RANBP2: variants seen among roughly 807,000 people sequenced by gnomAD.
RANBP2 encodes the protein E3 SUMO-protein ligase RanBP2.
RANBP2 carries 57 observed loss-of-function variants against 303.6 expected under a neutral mutation model. That is an observed-to-expected ratio of 0.19 (90% CI 0.15 to 0.23). The LOEUF is 0.23. Ranked by LOEUF, RANBP2 falls within the 10% of genes least tolerant of loss-of-function variation. RANBP2 has a pLI of 1.00. For synonymous variants in RANBP2, 1,167 were observed against 1,301.5 expected, an observed-to-expected ratio of 0.90 and a Z score of 2.23; for missense variants, 3,138 against 3,780.8, an observed-to-expected ratio of 0.83 and a Z score of 4.46.
At chr2:109,041,805 T>C in the RANBP2 span, among the ~76,000 whole-genome samples, 1 of 150,642 alleles carries the variant, frequency 6.6e-6, no homozygotes, top group East Asian at 2.0e-4. Flanking sequence ...CCTCCCAAAG[T>C]GCTGGGTTTA....
chr2:108,743,160 C>T lies in RANBP2; in HGVS notation c.975+2479C>T, dbSNP rs572715524. Reference sequence around the variant, plus strand: ...TGTCTATTAGAGTCTTGCTGTGTCACCCGGGCTGGAGTGCAGTTGCATAAT... The same window carrying T: ...TGTCTATTAGAGTCTTGCTGTGTCATCCGGGCTGGAGTGCAGTTGCATAAT... On this transcript the variant is annotated intron_variant, in intron 7 of 28. Transcript: ENST00000283195. 6.6e-5 allele frequency among the ~76,000 whole-genome samples: 10 copies of T among 152,340 alleles called. No individual in the cohort carries two copies. In the East Asian group the frequency reaches 1.9e-3, roughly 29 times the overall value.
the RANBP2 span, among the ~76,000 whole-genome samples, chr2:109,161,197 C>T: frequency 6.6e-6 from 1 of 152,112 alleles, no homozygotes; most frequent in Admixed American, 6.5e-5. Flanking sequence ...ATAGTTAAAT[C>T]CTGGGGGCAG....
At chr2:109,488,540 C>T in the RANBP2 span, among the ~76,000 whole-genome samples, 1 of 152,200 alleles carries the variant, frequency 6.6e-6, no homozygotes, top group Non-Finnish European at 1.5e-5. Context: ...GAACAAGCCT[C>T]CTCACTCCCT....
At chr2:108,920,455 A>G in the RANBP2 span, among the ~76,000 whole-genome samples, 8 of 152,220 alleles carry the variant, frequency 5.3e-5, no homozygotes, top group Non-Finnish European at 1.2e-4. Context: ...ACAGAAAACC[A>G]GAAAGCTCTG....
At chr2:109,163,299 C>T in the RANBP2 span, among the ~76,000 whole-genome samples, 7 of 151,152 alleles carry the variant, frequency 4.6e-5, no homozygotes, top group South Asian at 4.2e-4. Flanking sequence ...AGGTGATTAC[C>T]GTGTTGAAAG....
the RANBP2 span, among the ~76,000 whole-genome samples, chr2:109,299,626 C>G: frequency 1.3e-5 from 2 of 152,136 alleles, no homozygotes; most frequent in African/African-American, 2.4e-5. Flanking sequence ...TCACAGGAAA[C>G]CTTGAATTGT....
At chr2:108,808,342 A>G in the RANBP2 span, among the ~76,000 whole-genome samples, 2 of 152,260 alleles carry the variant, frequency 1.3e-5, no homozygotes, top group East Asian at 3.9e-4. Context: ...TATCTCTTCA[A>G]TATACTGATT....
the RANBP2 span, chr2:109,613,437 C>G: frequency 9.7e-6 from 3 of 307,816 alleles, no homozygotes; most frequent in Admixed American, 3.8e-5. Context: ...AAAAGATGAC[C>G]GCTATTCAAT....
the RANBP2 span, among the ~76,000 whole-genome samples, chr2:109,273,789 T>C: frequency 6.6e-6 from 1 of 152,184 alleles, no homozygotes; most frequent in African/African-American, 2.4e-5. Context: ...AGGTTGTGAC[T>C]GAAATCCAGA....
the RANBP2 span, among the ~76,000 whole-genome samples, chr2:109,704,214 C>T: frequency 6.6e-6 from 1 of 152,086 alleles, no homozygotes; most frequent in Non-Finnish European, 1.5e-5. Flanking sequence ...CCTGTTTCCC[C>T]CTGAGCTTTG....
At chr2:109,278,176 T>TAA in the RANBP2 span, among the ~76,000 whole-genome samples, 177 of 147,620 alleles carry the variant, frequency 1.2e-3, no homozygotes, top group African/African-American at 3.4e-3. Context: ...GACCCAATCT[T>TAA]AAAAAAAAAA....
chr2:109,025,275 T>C, the RANBP2 span, among the ~76,000 whole-genome samples: 45 of 152,322 alleles, frequency 3.0e-4, no homozygotes, highest in African/African-American at 1.0e-3. Context: ...AGACTTTCAG[T>C]TGATTTTAGC....
At chr2:109,735,052 A>C in the RANBP2 span, among the ~76,000 whole-genome samples, 1 of 152,284 alleles carries the variant, frequency 6.6e-6, no homozygotes, top group Non-Finnish European at 1.5e-5. Context: ...AATATACAAT[A>C]AATTATTGTT....
chr2:109,086,454 G>A, the RANBP2 span, among the ~76,000 whole-genome samples: 2 of 152,166 alleles, frequency 1.3e-5, no homozygotes, highest in Non-Finnish European at 2.9e-5. Context: ...TGGGGGTCTC[G>A]TTTTACTTTA....
intron 1 of RANBP2, among the ~76,000 whole-genome samples, chr2:108,725,909 C>T (rs546227131): frequency 6.6e-6 from 1 of 152,124 alleles, no homozygotes; most frequent in East Asian, 1.9e-4. Context: ...GTAATTTAAG[C>T]ATACAAGTCT....
chr2:108,980,216 T>C, the RANBP2 span, among the ~76,000 whole-genome samples: 1 of 152,208 alleles, frequency 6.6e-6, no homozygotes. Flanking sequence ...CCAGCTCATT[T>C]CATTCTCTTC....
the RANBP2 span, among the ~76,000 whole-genome samples, chr2:109,743,100 C>T: frequency 1.3e-4 from 19 of 147,656 alleles, no homozygotes; most frequent in Admixed American, 1.0e-3. Context: ...GAGAGACCCC[C>T]TGTCTACAAA....
chr2:109,665,937 C>A, the RANBP2 span, among the ~76,000 whole-genome samples: 3 of 151,842 alleles, frequency 2.0e-5, no homozygotes, highest in South Asian at 6.3e-4. Flanking sequence ...CATGGAGAAA[C>A]CCTGTCTCTA....
At chr2:109,575,332 C>A in the RANBP2 span, among the ~76,000 whole-genome samples, 1 of 152,206 alleles carries the variant, frequency 6.6e-6, no homozygotes, top group Non-Finnish European at 1.5e-5. Flanking sequence ...AAGTCCATGA[C>A]TCTTTGCCTC....
Sources: allele counts gnomAD v4.1 joint callset (sites outside exome capture counted in the v4.1 genomes callset), GRCh38; gene constraint gnomAD v4.1.1; transcripts MANE v1.5; gene names NCBI Gene and HGNC (gene_info 2026-07-23, HGNC 2026-07-21).